LRP1B: variants seen among roughly 807,000 people sequenced by gnomAD.
The protein encoded by LRP1B is low-density lipoprotein receptor-related protein 1B.
LRP1B carries 217 observed loss-of-function variants against 556.6 expected under a neutral mutation model. The ratio of observed to expected loss-of-function variants is 0.39; its 90% CI spans 0.35 to 0.44. The LOEUF (loss-of-function observed/expected upper bound fraction) is 0.44, where lower values mean the gene tolerates loss of function less well. Among genes scored for constraint, LRP1B ranks in the 20% least tolerant of loss-of-function variants. The pLI, the probability that LRP1B is intolerant of heterozygous loss-of-function variation, is 1.00. For missense variants in LRP1B, 5,053 were observed against 5,620.8 expected (o/e 0.90, Z 3.23); for synonymous variants, 2,047 against 1,865.8 (o/e 1.10, Z -2.50).
In LRP1B at chr2:140,420,014, GAAAA is replaced by G. The variant is rs76165653; in HGVS notation, c.10414+22486_10414+22489del. On this transcript the variant is annotated intron_variant, in intron 66 of 90. Coordinates refer to ENST00000389484, the MANE Select transcript of LRP1B (RefSeq NM_018557.3). ...CAGAGTGAGACTCTGTCATAAAAAAGAAAAAAAAAAAAAAAAAAGGAAAGTTAGA... is the reference window on the plus strand; with the variant it reads ...CAGAGTGAGACTCTGTCATAAAAAAGAAAAAAAAAAAAAAGGAAAGTTAGA... 1.8e-3 allele frequency among the ~76,000 whole-genome samples: 156 copies of G among 86,384 alleles called. 2 individuals carry two copies. The highest frequency in any genetic ancestry group is 9.6e-3 in the Middle Eastern group (1 of 104). The allele number at this position is 86,384 out of a possible 152,430, so 56.7% of individuals were successfully genotyped here. A position where few individuals can be genotyped will look rare whatever the true frequency, so the allele number is the denominator to read the frequency against.
chr2:141,127,835 C>G (rs1701253613), intron 7 of LRP1B, among the ~76,000 whole-genome samples: 1 of 152,154 alleles, frequency 6.6e-6, no homozygotes, highest in African/African-American at 2.4e-5. Context: ...GTAGTCACAT[C>G]AATTACACTC....
intron 1 of LRP1B, among the ~76,000 whole-genome samples, chr2:141,909,422 G>A (rs2104948790): frequency 6.6e-6 from 1 of 151,326 alleles, no homozygotes. Context: ...TTCCCATCAA[G>A]TGTAGGATCT....
At chr2:141,500,437 C>T (rs1683672757) in intron 2 of LRP1B, among the ~76,000 whole-genome samples, 1 of 152,092 alleles carries the variant, frequency 6.6e-6, no homozygotes, top group Non-Finnish European at 1.5e-5. Flanking sequence ...GCCCCGGTTA[C>T]TAAGCTAAAG....
At chr2:141,161,147 G>C (rs1461599640) in intron 7 of LRP1B, among the ~76,000 whole-genome samples, 82 of 152,058 alleles carry the variant, frequency 5.4e-4, no homozygotes, top group Non-Finnish European at 1.0e-4. Flanking sequence ...AAGAAAATTA[G>C]TGCAAAATTT....
intron 2 of LRP1B, among the ~76,000 whole-genome samples, chr2:141,762,974 C>CAATTAATGTCAGT (rs1694610940): frequency 6.6e-6 from 1 of 152,174 alleles, no homozygotes; most frequent in African/African-American, 2.4e-5. Context: ...AATTAATGAA[C>CAATTAATGTCAGT]CAGCTACGTG....
intron 3 of LRP1B, among the ~76,000 whole-genome samples, chr2:141,288,155 G>GA (rs1032873037): frequency 1.3e-5 from 2 of 151,366 alleles, no homozygotes; most frequent in African/African-American, 4.9e-5. Flanking sequence ...ACAGCTTGTA[G>GA]AAAAATGTTA....
chr2:140,332,591 A>ACATCACAGC (rs1178895145), intron 79 of LRP1B, among the ~76,000 whole-genome samples: 2 of 152,044 alleles, frequency 1.3e-5, no homozygotes, highest in African/African-American at 4.8e-5. Context: ...TTTGCTTGGA[A>ACATCACAGC]CATCACAGCC....
At chr2:142,035,040 T>C (rs1703832378) in intron 1 of LRP1B, among the ~76,000 whole-genome samples, 1 of 151,764 alleles carries the variant, frequency 6.6e-6, no homozygotes, top group Non-Finnish European at 1.5e-5. Context: ...ATGGGTAGGG[T>C]ATACTGTACT....
intron 11 of LRP1B, among the ~76,000 whole-genome samples, chr2:141,041,498 A>G (rs1435379232): frequency 2.0e-5 from 3 of 151,972 alleles, no homozygotes; most frequent in African/African-American, 7.2e-5. Flanking sequence ...TCTTGCTTCC[A>G]TAGTCATGAC....
At chr2:141,461,068 T>C (rs933432861) in intron 3 of LRP1B, among the ~76,000 whole-genome samples, 3 of 151,516 alleles carry the variant, frequency 2.0e-5, no homozygotes, top group Admixed American at 1.3e-4. Context: ...GGCACATAGA[T>C]GATCTTTAAA....
At chr2:142,089,480 G>A (rs1294887012) in intron 1 of LRP1B, among the ~76,000 whole-genome samples, 6 of 152,194 alleles carry the variant, frequency 3.9e-5, no homozygotes, top group Non-Finnish European at 7.3e-5. Context: ...TGAAAAATTA[G>A]CATGTGGGAA....
chr2:140,509,862 A>G, intron 52 of LRP1B, 66 bp downstream of exon 52: 4 of 1,568,490 alleles, frequency 2.6e-6, no homozygotes, highest in Non-Finnish European at 3.5e-6. Flanking sequence ...CAAATACTAC[A>G]AAAACAAATA....
chr2:141,019,390 T>C (rs552194247), intron 12 of LRP1B, among the ~76,000 whole-genome samples: 1 of 152,200 alleles, frequency 6.6e-6, no homozygotes, highest in African/African-American at 2.4e-5. Context: ...ACCCAGTCTT[T>C]TACTAATTGA....
At chr2:141,963,463 C>T (rs980927129) in intron 1 of LRP1B, among the ~76,000 whole-genome samples, 1 of 151,648 alleles carries the variant, frequency 6.6e-6, no homozygotes, top group African/African-American at 2.4e-5. Flanking sequence ...AAATGTAATC[C>T]AGCATATAAA....
intron 1 of LRP1B, among the ~76,000 whole-genome samples, chr2:141,843,878 T>G (rs1291411289): frequency 4.6e-5 from 7 of 152,064 alleles, no homozygotes; most frequent in African/African-American, 9.7e-5. Flanking sequence ...TGGTGTATGC[T>G]CTTCACCTCA....
chr2:141,448,087 C>T (rs1249658189), intron 3 of LRP1B, among the ~76,000 whole-genome samples: 2 of 152,210 alleles, frequency 1.3e-5, no homozygotes, highest in Non-Finnish European at 2.9e-5. Context: ...ACTGGGGCTG[C>T]TGCCTTTCTT....
chr2:141,314,343 C>T (rs1012822750), intron 3 of LRP1B, among the ~76,000 whole-genome samples: 6 of 152,088 alleles, frequency 3.9e-5, no homozygotes, highest in African/African-American at 1.4e-4. Context: ...ATTTCATAGT[C>T]ACCACTCTTC....
chr2:140,886,038 G>A, intron 24 of LRP1B, 100 bp downstream of exon 24: 4 of 721,986 alleles, frequency 5.5e-6, no homozygotes, highest in Non-Finnish European at 9.0e-6. Flanking sequence ...AAGGACCAAA[G>A]GTCAAAGAAT....
intron 84 of LRP1B, among the ~76,000 whole-genome samples, chr2:140,292,692 C>G (rs954550760): frequency 2.0e-5 from 3 of 152,148 alleles, no homozygotes; most frequent in Non-Finnish European, 4.4e-5. Context: ...TAGAATCAGA[C>G]ATTACACTGT....
Sources: gnomAD v4.1 joint callset for allele counts (sites outside exome capture counted in the v4.1 genomes callset) on GRCh38, gnomAD v4.1.1 for gene constraint, MANE v1.5 for transcripts, NCBI Gene and HGNC (gene_info 2026-07-23, HGNC 2026-07-21) for gene names.